Variants in FBN3 observed in about 807,000 individuals in gnomAD.
FBN3 encodes the protein fibrillin-3.
A neutral mutation model predicts 330.1 loss-of-function variants in FBN3; 234 were observed. That is an observed-to-expected ratio of 0.71 (90% CI 0.64 to 0.79). FBN3 has a LOEUF of 0.79. FBN3 is among the 30% of genes least tolerant of loss of function. The probability of loss-of-function intolerance (pLI) is 0.00; values close to 1 mark genes in which losing one functional copy is unlikely to be tolerated. For missense variants in FBN3, 3,606 were observed against 3,886.9 expected (o/e 0.93, Z 1.92); for synonymous variants, 1,458 against 1,517.3 (o/e 0.96, Z 0.91).
intron 16 of FBN3, among the ~76,000 whole-genome samples, chr19:8,130,611 A>AAG (rs2083109012): frequency 6.5e-5 from 1 of 15,478 alleles, no homozygotes; most frequent in Non-Finnish European, 1.3e-4. Flanking sequence ...AAAGAAAGAA[A>AAG]GAAAGAAAGA....
intron 37 of FBN3, among the ~76,000 whole-genome samples, chr19:8,106,890 A>T (rs958315601): frequency 2.7e-5 from 4 of 150,396 alleles, no homozygotes; most frequent in Non-Finnish European, 5.9e-5. Flanking sequence ...TGGATGGGTG[A>T]ATGGGGGATA....
At chr19:8,126,440 G>C in intron 20 of FBN3, 28 bp downstream of exon 20, 1 of 1,603,570 alleles carries the variant, frequency 6.2e-7, no homozygotes, top group East Asian at 2.3e-5. Flanking sequence ...TCCCATGGGT[G>C]CCTGGGAGGC....
At chr19:8,092,726 A>G (rs1366222953) in intron 47 of FBN3, among the ~76,000 whole-genome samples, 4 of 151,576 alleles carry the variant, frequency 2.6e-5, no homozygotes, top group Non-Finnish European at 4.4e-5. Context: ...AAAAAAAAAA[A>G]AAAAAAAGGA....
intron 47 of FBN3, among the ~76,000 whole-genome samples, chr19:8,092,915 G>C (rs1266596586): frequency 6.6e-6 from 1 of 151,972 alleles, no homozygotes; most frequent in African/African-American, 2.4e-5. Flanking sequence ...AGGGAAGGAT[G>C]GGAGGGGGGT....
At position 8,131,880 on chromosome 19, in the gene FBN3, C is replaced by T. The variant is rs1158444705; in HGVS notation, c.1715-51G>A. ...ATGGGTTCCAGCGTGCTCCCTTCCT[C>T]TCTCCCCTCCCCATCTCCCAACATT... On this transcript the variant is annotated intron_variant, in intron 14 of 63. Transcript: ENST00000600128. The surrounding 1 kb of genome is among the most constrained non-coding windows in gnomAD (Gnocchi z 4.5). 6 of 1,476,436 alleles carry T rather than the reference C, an allele frequency of 4.1e-6. No homozygotes were observed. The highest frequency in any genetic ancestry group is 1.4e-5 in the South Asian group (1 of 72,030). The allele number at this position is 1,476,436 out of a possible 1,614,324, so 91.5% of individuals were successfully genotyped here. A position where few individuals can be genotyped will look rare whatever the true frequency, so the allele number is the denominator to read the frequency against.
At chr19:8,081,166 GA>G in intron 58 of FBN3, 47 bp from the exon 59 acceptor site, 1 of 1,559,260 alleles carries the variant, frequency 6.4e-7, no homozygotes, top group African/African-American at 1.4e-5. Context: ...CCCAGTGGGG[GA>G]TTAGGGGCTT....
Position 8,117,608 on chromosome 19 carries a change from G to A in FBN3, c.3338-19C>T. The A allele has an allele frequency of 6.6e-7, 1 of 1,519,882 alleles. No homozygotes were observed. Among genetic ancestry groups the A allele is most frequent in the Non-Finnish European group, 8.9e-7 (1 of 1,127,180 alleles). 94.1% of individuals were successfully genotyped at this position (1,519,882 alleles called of 1,614,324 possible). On this transcript the variant is annotated intron_variant, in intron 26 of 63. Transcript: ENST00000600128. ...TCGATGTCTGTGGGGGAGTGCAGGT[G>A]AAAGACGGGCCTGTGCCCCATCTGC...
chr19:8,088,285 C>G (rs1036132633), intron 51 of FBN3, 106 bp from the exon 52 acceptor site: 10 of 1,355,540 alleles, frequency 7.4e-6, no homozygotes, highest in Non-Finnish European at 7.0e-6. Flanking sequence ...GGGGCCAGAT[C>G]GAATGCACCT....
intron 61 of FBN3, chr19:8,074,781 G>A (rs2145375167): frequency 2.6e-6 from 1 of 382,258 alleles, no homozygotes. Flanking sequence ...ATCAATCACA[G>A]CACTCTTTCC....
chr19:8,112,202 T>C (rs2082605380), intron 30 of FBN3, 103 bp from the exon 31 acceptor site: 2 of 1,291,384 alleles, frequency 1.5e-6, no homozygotes, highest in Non-Finnish European at 2.1e-6. Flanking sequence ...AGGGGAGAGC[T>C]GGCCCAGAAA....
intron 40 of FBN3, among the ~76,000 whole-genome samples, chr19:8,101,460 C>T (rs1034015398): frequency 3.3e-5 from 5 of 152,346 alleles, no homozygotes; most frequent in Middle Eastern, 6.8e-3. Context: ...TGTCAACACA[C>T]TCTGTTCAGT....
At chr19:8,077,885 C>T (rs8100055) in intron 59 of FBN3, among the ~76,000 whole-genome samples, 94,879 of 151,798 alleles carry the variant, frequency 0.63, 31,330 homozygotes, top group African/African-American at 0.84. Flanking sequence ...AAGACCAGCC[C>T]GGGCAACATG....
At position 8,109,652 on chromosome 19, in the gene FBN3, G is replaced by A; in HGVS notation, c.4435C>T (p.Pro1479Ser). The A allele has an allele frequency of 1.3e-6, 2 of 1,591,628 alleles. No individual in the cohort carries two copies. Among genetic ancestry groups the A allele is most frequent in the Non-Finnish European group, 1.7e-6 (2 of 1,169,008 alleles). ...TCACCCACGCAGCCCACTCCGCTGG[G>A]GTTCAGCTCAAAATCCTGGGGGCAG... Reference protein sequence around the residue: ...CSCPQDFELNPSGVGCVDTRA... With the variant: ...CSCPQDFELNSSGVGCVDTRA... Residue 1479 changes from proline to serine, a missense_variant, in exon 35 of 64, where the codon CCC becomes TCC. By Grantham distance (74) the Pro-to-Ser change is moderately conservative. Transcript: ENST00000600128. The surrounding 1 kb of genome is among the most constrained non-coding windows in gnomAD (Gnocchi z 5.2).
intron 24 of FBN3, among the ~76,000 whole-genome samples, chr19:8,122,380 T>C (rs957649763): frequency 4.6e-5 from 7 of 152,082 alleles, no homozygotes; most frequent in Middle Eastern, 3.2e-3. Flanking sequence ...TATTTATTTA[T>C]ATTTGAGACA....
Position 8,129,710 on chromosome 19 carries a change from CCA to C in FBN3, c.2045-347_2045-346del, listed in dbSNP as rs376892165. On this transcript the variant is annotated intron_variant, in intron 16 of 63. Transcript: ENST00000600128. This position sits in a 1 kb window ranked among gnomAD's most constrained non-coding sequence, Gnocchi z 4.5. ...CGGTGGGGCAGGGGCCAAATTATCTCCAGTTTGGAAATAGTGGAGCAGACATC... is the reference window on the plus strand; with the variant it reads ...CGGTGGGGCAGGGGCCAAATTATCTCGTTTGGAAATAGTGGAGCAGACATC... 1.1e-4 allele frequency among the ~76,000 whole-genome samples: 17 copies of C among 152,202 alleles called. No homozygotes were observed. Among genetic ancestry groups the C allele is most frequent in the African/African-American group, 4.1e-4 (17 of 41,532 alleles).
chr19:8,146,031 G>T, intron 4 of FBN3, 93 bp from the exon 5 acceptor site: 2 of 1,483,034 alleles, frequency 1.3e-6, no homozygotes, highest in Non-Finnish European at 1.8e-6. Context: ...GCTCAGCCCC[G>T]CTCCTGTCCT....
At chr19:8,127,051 T>G (rs1172419928) in intron 18 of FBN3, among the ~76,000 whole-genome samples, 1 of 108,388 alleles carries the variant, frequency 9.2e-6, no homozygotes, top group African/African-American at 2.7e-5. Flanking sequence ...CCAAACTGTT[T>G]TTTTTTTGTT....
intron 22 of FBN3, 114 bp from the exon 23 acceptor site, chr19:8,124,122 G>A (rs919502183): frequency 1.2e-5 from 10 of 864,072 alleles, no homozygotes; most frequent in South Asian, 3.2e-5. Flanking sequence ...TAGTCAGGTC[G>A]AGGGCCAGAG....
intron 58 of FBN3, 79 bp from the exon 59 acceptor site, chr19:8,081,198 C>T (rs543341481): frequency 6.7e-7 from 1 of 1,503,578 alleles, no homozygotes; most frequent in Admixed American, 1.7e-5. Context: ...GCCCTTGCCA[C>T]CTCCAGGCAG....
Sources: gnomAD v4.1 joint callset for allele counts (sites outside exome capture counted in the v4.1 genomes callset) on GRCh38, gnomAD v4.1.1 for gene constraint, Gnocchi (gnomAD v3.1) non-coding constraint, MANE v1.5 for transcripts, NCBI Gene and HGNC (gene_info 2026-07-23, HGNC 2026-07-21) for gene names.